Variants in BAZ2A observed in about 807,000 individuals in gnomAD.
BAZ2A encodes the protein bromodomain adjacent to zinc finger domain 2A, also known as bromodomain adjacent to zinc finger domain protein 2A.
In BAZ2A, 34 loss-of-function variants were observed where a neutral mutation model predicts 199.9. The ratio of observed to expected loss-of-function variants is 0.17; its 90% CI spans 0.13 to 0.23. The LOEUF (loss-of-function observed/expected upper bound fraction) is 0.23, where lower values mean the gene tolerates loss of function less well. Ranked by LOEUF, BAZ2A falls within the 10% of genes least tolerant of loss-of-function variation. The pLI, the probability that BAZ2A is intolerant of heterozygous loss-of-function variation, is 1.00. For missense variants in BAZ2A, 2,002 were observed against 2,391.1 expected, an observed-to-expected ratio of 0.84 and a Z score of 3.39; for synonymous variants, 857 against 883.9, an observed-to-expected ratio of 0.97 and a Z score of 0.54.
Position 56,617,633 on chromosome 12 carries a change from T to C in BAZ2A, c.-2-101A>G, listed in dbSNP as rs1249407372. 1.5e-5 allele frequency: 20 copies of C among 1,304,392 alleles called. No individual in the cohort carries two copies. The Admixed American group carries it at 5.2e-4, about 34-fold the overall frequency. The allele number at this position is 1,304,392 out of a possible 1,614,324, so 80.8% of individuals were successfully genotyped here. On this transcript the variant is annotated intron_variant, in intron 1 of 28. Coordinates refer to ENST00000549884, the MANE Select transcript of BAZ2A (RefSeq NM_001300905.2). ...CAATGACCCCTCCCCTCCACCTACT[T>C]ACCCTTCTCCTACCTAAGTACTGTG...
chr12:56,598,787 G>T lies in BAZ2A; in HGVS notation c.5547-4C>A. On this transcript the variant is annotated splice_polypyrimidine_tract_variant and splice_region_variant and intron_variant, in intron 28 of 28. Coordinates refer to ENST00000549884, the MANE Select transcript of BAZ2A (RefSeq NM_001300905.2). ...AAACTCCTCTGAGCTGGTGTACCTG[G>T]ACAGGGCAGGGGCAAAACTGTGAGC... The T allele has an allele frequency of 6.2e-7, 1 of 1,611,418 alleles. No homozygotes were observed.
At chr12:56,610,387 C>A in intron 8 of BAZ2A, 22 bp downstream of exon 8, 1 of 1,610,638 alleles carries the variant, frequency 6.2e-7, no homozygotes, top group Non-Finnish European at 8.5e-7. Context: ...AGAAAGCAGT[C>A]CTTTAAAAAA....
At chr12:56,610,339 C>T (rs750429238) in intron 8 of BAZ2A, 70 bp downstream of exon 8, 93 of 1,569,542 alleles carry the variant, frequency 5.9e-5, no homozygotes, top group Non-Finnish European at 7.6e-5. Flanking sequence ...AGCCCAAGAA[C>T]GGAGTCTTGG....
rs1309442665 is a variant in BAZ2A at position 56,600,510 on chromosome 12, A to G, written c.4603-20T>C. On this transcript the variant is annotated intron_variant, in intron 23 of 28. Coordinates refer to ENST00000549884, the MANE Select transcript of BAZ2A (RefSeq NM_001300905.2). ...CCAGCCCTTCAGTTAAGAGAGAGGA[A>G]TAAAACTCACTGTAAAAGGAGGAAA... The G allele has an allele frequency of 1.2e-6, 2 of 1,604,010 alleles. No individual in the cohort carries two copies. The highest frequency in any genetic ancestry group is 4.5e-5 in the East Asian group (2 of 44,678).
intron 1 of BAZ2A, among the ~76,000 whole-genome samples, chr12:56,622,665 G>C (rs1303797549): frequency 6.6e-6 from 1 of 152,098 alleles, no homozygotes. Flanking sequence ...TGAACTAATA[G>C]GATTTTCACC....
Position 56,612,164 on chromosome 12 carries a change from C to G in BAZ2A, c.1218G>C (p.Leu406=), listed in dbSNP as rs374938637. The G allele has an allele frequency of 1.2e-6, 2 of 1,613,542 alleles. No individual in the cohort carries two copies. Among genetic ancestry groups the G allele is most frequent in the African/African-American group, 2.7e-5 (2 of 74,784 alleles). ...ATGACTGATCAGGAGCTGGCTGGGT[C>G]AGGGATGGTGGGAAGTCTGAAGATT... The part of the protein sequence containing the change: ...ETQSSDFPPS[L]TQPAPDQSST... The change falls in exon 6 of 29, where the codon CTG becomes CTC. Residue 406 remains leucine, a synonymous_variant. Transcript: ENST00000549884.
At chr12:56,602,225 C>T (rs1886557571) in intron 19 of BAZ2A, 33 bp from the exon 20 acceptor site, 1 of 1,509,752 alleles carries the variant, frequency 6.6e-7, no homozygotes, top group East Asian at 2.4e-5. Flanking sequence ...AAGCCATATG[C>T]TGACATACAA....
upstream of BAZ2A, among the ~76,000 whole-genome samples, chr12:56,637,684 T>A (rs553496946): frequency 3.9e-5 from 6 of 152,284 alleles, no homozygotes; most frequent in African/African-American, 1.4e-4. Flanking sequence ...AATAAGTTAT[T>A]TCTAAAACGA....
chr12:56,623,732 G>A (rs1346983010), intron 1 of BAZ2A, among the ~76,000 whole-genome samples: 2 of 151,994 alleles, frequency 1.3e-5, no homozygotes, highest in African/African-American at 4.8e-5. Context: ...GCTGCTAGGC[G>A]TCCTTCAACA....
In BAZ2A at chr12:56,598,007, G is replaced by A. The variant is rs1463760089; in HGVS notation, c.*611C>T. On this transcript the variant is annotated 3_prime_UTR_variant, in exon 29 of 29. Transcript: ENST00000549884. Reference sequence around the variant, plus strand: ...GAAAAGGAGGGAGGAACCCGTACACGATAGTTTTACATTATTGGATGAGAG... The same window carrying A: ...GAAAAGGAGGGAGGAACCCGTACACAATAGTTTTACATTATTGGATGAGAG... 6.8e-6 allele frequency: 1 copy of A among 146,896 alleles called. No homozygotes were observed. The highest frequency in any genetic ancestry group is 6.8e-5 in the Admixed American group (1 of 14,760). 9.1% of individuals were successfully genotyped at this position (146,896 alleles called of 1,614,324 possible).
intron 7 of BAZ2A, 45 bp downstream of exon 7, chr12:56,611,528 T>A (rs983819835): frequency 1.9e-6 from 3 of 1,571,602 alleles, no homozygotes; most frequent in Non-Finnish European, 2.6e-6. Flanking sequence ...GAGTTGTGCA[T>A]TAAACTTGTC....
At position 56,611,977 on chromosome 12, in the gene BAZ2A, G is replaced by C. The variant is rs765427982; in HGVS notation, c.1405C>G (p.Pro469Ala). The change falls in exon 6 of 29, where the codon CCA (proline) becomes GCA (alanine). Residue 469 changes from proline (P) to alanine (A), a missense_variant. Pro to Ala is a conservative substitution (Grantham distance 27). Around this residue, in one of 6 missense-constraint regions of BAZ2A, gnomAD observed 641 missense variants for 694.5 expected, o/e 0.92. Transcript: ENST00000549884. ...VSPAVFSVVS[P>A]ASSAVLPAVS... Reference sequence around the variant, plus strand: ...GCTGGGAGGACTGCTGAGGAAGCTGGAGAGACCACTGAGAAGACTGCTGGA... The same window carrying C: ...GCTGGGAGGACTGCTGAGGAAGCTGCAGAGACCACTGAGAAGACTGCTGGA... 6.2e-7 allele frequency: 1 copy of C among 1,613,394 alleles called. No individual in the cohort carries two copies. The highest frequency in any genetic ancestry group is 8.5e-7 in the Non-Finnish European group (1 of 1,179,730).
intron 18 of BAZ2A, 25 bp from the exon 19 acceptor site, chr12:56,602,882 T>C: frequency 1.3e-6 from 2 of 1,596,212 alleles, no homozygotes; most frequent in South Asian, 2.2e-5. Context: ...AAAATGAAGA[T>C]GAATAAACAC....
At chr12:56,630,542 C>T (rs929111480), upstream of BAZ2A, among the ~76,000 whole-genome samples, 3 of 152,248 alleles carry the variant, frequency 2.0e-5, no homozygotes, top group Non-Finnish European at 4.4e-5. Flanking sequence ...TCACACAGGG[C>T]AAACTGAAAG....
rs569819875 is a variant in BAZ2A at position 56,602,973 on chromosome 12, C to T, written c.3280-116G>A. ...CTCAGTCCCTCTATAAAAGTGATGC[C>T]ATCTGGGCCTAATTCAGAAGGTGAT... On this transcript the variant is annotated intron_variant, in intron 18 of 28. Coordinates refer to ENST00000549884, the MANE Select transcript of BAZ2A (RefSeq NM_001300905.2). 411 of 1,218,498 alleles carry T rather than the reference C, an allele frequency of 3.4e-4. 1 individual carries two copies. Among genetic ancestry groups the T allele is most frequent in the Middle Eastern group, 8.0e-4 (3 of 3,734 alleles). The allele number at this position is 1,218,498 out of a possible 1,614,324, so 75.5% of individuals were successfully genotyped here. A position where few individuals can be genotyped will look rare whatever the true frequency, so the allele number is the denominator to read the frequency against.
chr12:56,627,981 A>G (rs1951162168), intron 1 of BAZ2A, among the ~76,000 whole-genome samples: 1 of 151,818 alleles, frequency 6.6e-6, no homozygotes, highest in Non-Finnish European at 1.5e-5. Context: ...CAGGAATTCG[A>G]GACCAGCCTG....
chr12:56,636,184 A>T (rs754330046), exon 1 of BAZ2A: 4 of 1,595,502 alleles, frequency 2.5e-6, no homozygotes, highest in Non-Finnish European at 3.4e-6. Context: ...ATACTCACCC[A>T]TGTCAGGCTG....
rs1950584246 is a variant in BAZ2A, at chr12:56,612,347, A to T, written c.1136-101T>A. On this transcript the variant is annotated intron_variant, in intron 5 of 28. Coordinates refer to ENST00000549884, the MANE Select transcript of BAZ2A (RefSeq NM_001300905.2). ...ACCCTGGACCAAGCTAAACAGGGTT[A>T]CTTCAAGGGGTCTTCCCTAGGGTTG... 3.0e-6 allele frequency: 3 copies of T among 1,002,556 alleles called. No homozygotes were observed. The Admixed American group carries it at 8.3e-5, about 28-fold the overall frequency. The allele number at this position is 1,002,556 out of a possible 1,614,324, so 62.1% of individuals were successfully genotyped here.
chr12:56,637,028 C>A (rs182744869), upstream of BAZ2A, among the ~76,000 whole-genome samples: 103 of 152,372 alleles, frequency 6.8e-4, 1 homozygote, highest in African/African-American at 2.5e-3. Flanking sequence ...CCAGCTTCTA[C>A]CTAACTTGAT....
Sources: allele counts gnomAD v4.1 joint callset (sites outside exome capture counted in the v4.1 genomes callset), GRCh38; gene constraint gnomAD v4.1.1; regional missense constraint gnomAD v4.1.1; transcripts MANE v1.5; gene names NCBI Gene and HGNC (gene_info 2026-07-23, HGNC 2026-07-21).